TRIM4: variants seen among roughly 807,000 people sequenced by gnomAD.
TRIM4 encodes the protein tripartite motif containing 4, also known as E3 ubiquitin-protein ligase TRIM4.
Under a neutral mutation model 33.7 loss-of-function variants are expected in TRIM4, and 29 were observed. That is an observed-to-expected ratio of 0.86 (90% CI 0.64 to 1.17). The LOEUF (loss-of-function observed/expected upper bound fraction) is 1.17. Ranked by LOEUF, TRIM4 falls within the 50% of genes most tolerant of loss-of-function variation. The pLI is 0.00. For missense variants in TRIM4, 554 were observed against 593.7 expected, an observed-to-expected ratio of 0.93 and a Z score of 0.69; for synonymous variants, 224 against 233.0, an observed-to-expected ratio of 0.96 and a Z score of 0.35.
chr7:99,914,924 C>T (rs1357317603), intron 1 of TRIM4, among the ~76,000 whole-genome samples: 2 of 152,096 alleles, frequency 1.3e-5, no homozygotes, highest in African/African-American at 2.4e-5. Flanking sequence ...ATTCTCCTGC[C>T]TCAGCCTCCC....
In TRIM4 at chr7:99,892,686, C is replaced by T. The variant is rs1444633814; in HGVS notation, c.902G>A (p.Arg301Lys). The change falls in exon 6 of 6, where the codon AGA becomes AAA. Residue 301 changes from arginine (R) to lysine (K), a missense_variant. By Grantham distance (26) the Arg-to-Lys change is conservative. Around this residue, in one of 3 missense-constraint regions of TRIM4, gnomAD observed 290 missense variants for 335.8 expected, o/e 0.86. Transcript: ENST00000349062. ...GGCTGATGCTGTATTTTTCACGTAT[C>T]TCCCTTCCTGGGAGAAGACGAGTTT... ...HPKLVFSQEGRYVKNTASASS... is the reference protein window; with the variant it reads ...HPKLVFSQEGKYVKNTASASS... 1.9e-6 allele frequency: 3 copies of T among 1,614,148 alleles called. No homozygotes were observed. The highest frequency in any genetic ancestry group is 2.5e-6 in the Non-Finnish European group (3 of 1,180,044).
At position 99,901,973 on chromosome 7, in the gene TRIM4, G is replaced by A. The variant is rs560091741; in HGVS notation, c.841+1245C>T. On this transcript the variant is annotated intron_variant, in intron 5 of 5. Coordinates refer to ENST00000349062, the MANE Select transcript of TRIM4 (RefSeq NM_033091.3). ...CCAGGTCTATTCCTCAACTCAGCAA[G>A]TCTCCCTGGCTCTACCTCAGTTACC... 7 of 622,232 alleles carry A rather than the reference G, an allele frequency of 1.1e-5. No individual in the cohort carries two copies. In the East Asian group the frequency reaches 1.9e-4, roughly 17 times the overall value. The allele number at this position is 622,232 out of a possible 1,614,324, so 38.5% of individuals were successfully genotyped here.
At chr7:99,903,633 A>G in intron 3 of TRIM4, 35 bp from the exon 4 acceptor site, 2 of 1,613,842 alleles carry the variant, frequency 1.2e-6, no homozygotes, top group Non-Finnish European at 1.7e-6. Context: ...CAAATTACGA[A>G]CCTTCTCCTG....
intron 1 of TRIM4, among the ~76,000 whole-genome samples, chr7:99,910,493 T>C (rs1213758730): frequency 6.6e-6 from 1 of 152,166 alleles, no homozygotes; most frequent in Non-Finnish European, 1.5e-5. Context: ...AAATACACAA[T>C]AAGTTGAAAG....
chr7:99,892,058 G>T lies in TRIM4; in HGVS notation c.*105C>A. On this transcript the variant is annotated 3_prime_UTR_variant, in exon 6 of 6. Coordinates refer to ENST00000349062, the MANE Select transcript of TRIM4 (RefSeq NM_033091.3). Reference sequence around the variant, plus strand: ...ACGGTACCGTTAGGGAGACCCAGAAGATGGACCATCCAGGATAGAGACATG... The same window carrying T: ...ACGGTACCGTTAGGGAGACCCAGAATATGGACCATCCAGGATAGAGACATG... 1 of 1,040,678 alleles carries T rather than the reference G, an allele frequency of 9.6e-7. No individual in the cohort carries two copies. The highest frequency in any genetic ancestry group is 1.4e-6 in the Non-Finnish European group (1 of 731,484). 64.5% of individuals were successfully genotyped at this position (1,040,678 alleles called of 1,614,324 possible).
chr7:99,912,544 T>A (rs34277597), intron 1 of TRIM4, among the ~76,000 whole-genome samples: 95,239 of 148,150 alleles, frequency 0.64, 31,946 homozygotes, highest in African/African-American at 0.85. Flanking sequence ...AAAAAAAAAA[T>A]AATACCATAA....
rs139655643 is a variant in TRIM4, at chr7:99,918,654, A to G, written c.393+355T>C. 1.3e-4 allele frequency among the ~76,000 whole-genome samples: 20 copies of G among 152,324 alleles called. No homozygotes were observed. The East Asian group carries it at 3.5e-3, about 26-fold the overall frequency. On this transcript the variant is annotated intron_variant, in intron 1 of 5. Transcript: ENST00000349062. ...TTAAATAAAATATATTATTACAATT[A>G]ACGTCACCTCGTTTCCTTATCTTAC...
At chr7:99,900,699 T>C (rs1450727293) in intron 5 of TRIM4, among the ~76,000 whole-genome samples, 2 of 129,212 alleles carry the variant, frequency 1.5e-5, no homozygotes, top group African/African-American at 5.2e-5. Context: ...CACCTTTGTT[T>C]TTGAAGGATA....
chr7:99,916,742 C>T, intron 1 of TRIM4: 1 of 781,088 alleles, frequency 1.3e-6, no homozygotes, highest in East Asian at 2.4e-5. Flanking sequence ...AATTAGTCTT[C>T]TCTTCCATTC....
At chr7:99,910,490 C>T (rs1445182851) in intron 1 of TRIM4, among the ~76,000 whole-genome samples, 1 of 152,082 alleles carries the variant, frequency 6.6e-6, no homozygotes, top group South Asian at 2.1e-4. Context: ...ATGAAATACA[C>T]AATAAGTTGA....
At chr7:99,895,060 A>G (rs1171869529) in intron 5 of TRIM4, among the ~76,000 whole-genome samples, 1 of 152,132 alleles carries the variant, frequency 6.6e-6, no homozygotes, top group Non-Finnish European at 1.5e-5. Context: ...ATTTCACTGC[A>G]ATGATTTCTG....
chr7:99,908,721 C>T lies in TRIM4; in HGVS notation c.581G>A (p.Arg194Lys). 2 of 1,614,164 alleles carry T rather than the reference C, an allele frequency of 1.2e-6. No individual in the cohort carries two copies. Among genetic ancestry groups the T allele is most frequent in the Non-Finnish European group, 1.7e-6 (2 of 1,180,022 alleles). ...CGTCTCTTCTTCTTCTTTGTTCAAT[C>T]TCTGAAGAAACAGGTCCTCTTCTTC... Reference protein sequence around the residue: ...LVEEEDLFLQRLNKEEEETKK... With the variant: ...LVEEEDLFLQKLNKEEEETKK... Residue 194 changes from arginine (R) to lysine (K), a missense_variant, in exon 3 of 6, where the codon AGA becomes AAA. Arg to Lys is a conservative substitution (Grantham distance 26). Around this residue, in one of 3 missense-constraint regions of TRIM4, gnomAD observed 290 missense variants for 335.8 expected, o/e 0.86. Coordinates refer to ENST00000349062, the MANE Select transcript of TRIM4 (RefSeq NM_033091.3).
chr7:99,894,774 A>C (rs1035846542), intron 5 of TRIM4, among the ~76,000 whole-genome samples: 1 of 152,088 alleles, frequency 6.6e-6, no homozygotes, highest in Non-Finnish European at 1.5e-5. Context: ...TATTCCAGTT[A>C]TCTCTATCTT....
intron 3 of TRIM4, among the ~76,000 whole-genome samples, chr7:99,907,904 G>A (rs969280574): frequency 6.6e-6 from 1 of 152,092 alleles, no homozygotes; most frequent in African/African-American, 2.4e-5. Flanking sequence ...TACTCAACAT[G>A]AATTATTTCA....
At position 99,891,024 on chromosome 7, in the gene TRIM4, T is replaced by C. The variant is rs879159592; in HGVS notation, c.*1139A>G. The C allele has an allele frequency of 6.6e-6, 1 of 152,228 alleles. No homozygotes were observed. Among genetic ancestry groups the C allele is most frequent in the Admixed American group, 6.5e-5 (1 of 15,286 alleles). The allele number at this position is 152,228 out of a possible 1,614,324, so 9.4% of individuals were successfully genotyped here. A position where few individuals can be genotyped will look rare whatever the true frequency, so the allele number is the denominator to read the frequency against. ...TTCTACAATAAGTACACATGACTTATATAAACAGAGAAAAGCAATCATTAT... is the reference window on the plus strand; with the variant it reads ...TTCTACAATAAGTACACATGACTTACATAAACAGAGAAAAGCAATCATTAT... On this transcript the variant is annotated 3_prime_UTR_variant, in exon 6 of 6. Transcript: ENST00000349062.
In TRIM4 at chr7:99,892,766, T is replaced by C; in HGVS notation, c.842-20A>G. ...CAGCCACTGTGGAGAAAATGAGAGC[T>C]AAGTAGTGCAGCAGCTTATCATCAA... On this transcript the variant is annotated intron_variant, in intron 5 of 5. Coordinates refer to ENST00000349062, the MANE Select transcript of TRIM4 (RefSeq NM_033091.3). 1 of 1,588,042 alleles carries C rather than the reference T, an allele frequency of 6.3e-7. No homozygotes were observed. The highest frequency in any genetic ancestry group is 8.6e-7 in the Non-Finnish European group (1 of 1,167,206).
chr7:99,901,350 C>T (rs1398643315), intron 5 of TRIM4: 1 of 152,204 alleles, frequency 6.6e-6, no homozygotes, highest in East Asian at 1.9e-4. Flanking sequence ...TCCTTCCATG[C>T]TTATTCTAAC....
chr7:99,905,826 T>A (rs1043920183), intron 3 of TRIM4, among the ~76,000 whole-genome samples: 4 of 152,124 alleles, frequency 2.6e-5, no homozygotes, highest in African/African-American at 9.7e-5. Context: ...AAAGAGTGCG[T>A]CCTGAAAGAT....
rs1304887809 is a variant in TRIM4, at chr7:99,891,279, A to G, written c.*884T>C. On this transcript the variant is annotated 3_prime_UTR_variant, in exon 6 of 6. Coordinates refer to ENST00000349062, the MANE Select transcript of TRIM4 (RefSeq NM_033091.3). ...TGGCCAATACTGAGCTAGTTACTCT[A>G]AAGAGTTCAGTTTTCTCATTTGTAC... 2.0e-5 allele frequency: 3 copies of G among 152,226 alleles called. No individual in the cohort carries two copies. The highest frequency in any genetic ancestry group is 4.4e-5 in the Non-Finnish European group (3 of 68,036). 9.4% of individuals were successfully genotyped at this position (152,226 alleles called of 1,614,324 possible).
Sources: gnomAD v4.1 joint callset for allele counts (sites outside exome capture counted in the v4.1 genomes callset) on GRCh38, gnomAD v4.1.1 for gene constraint, gnomAD v4.1.1 regional missense constraint, MANE v1.5 for transcripts, NCBI Gene and HGNC (gene_info 2026-07-23, HGNC 2026-07-21) for gene names.